C4orf51: variants seen among roughly 807,000 people sequenced by gnomAD.
The protein encoded by C4orf51 is uncharacterized protein C4orf51.
C4orf51 carries 25 observed loss-of-function variants against 25.2 expected under a neutral mutation model. The observed-to-expected ratio is 0.99, with a 90% CI of 0.72 to 1.39. The LOEUF (loss-of-function observed/expected upper bound fraction) is 1.39. C4orf51 is among the 40% of genes most tolerant of loss of function. C4orf51 has a pLI of 0.00. For missense variants in C4orf51, 252 were observed against 239.6 expected (o/e 1.05, Z -0.34); for synonymous variants, 100 against 84.5 (o/e 1.18, Z -1.01).
At chr4:145,766,507 T>C (rs1334855057) in intron 1 of C4orf51, among the ~76,000 whole-genome samples, 1 of 152,188 alleles carries the variant, frequency 6.6e-6, no homozygotes, top group Admixed American at 6.5e-5. Flanking sequence ...CCAGGCTTCA[T>C]TGCAGAGAGA....
At chr4:145,788,162 A>AT in the C4orf51 span, among the ~76,000 whole-genome samples, 29 of 150,426 alleles carry the variant, frequency 1.9e-4, no homozygotes, top group East Asian at 1.8e-3. Context: ...CTGGATAACC[A>AT]TTTTTTTTTG....
downstream of C4orf51, among the ~76,000 whole-genome samples, chr4:145,754,506 G>A (rs1733835732): frequency 6.6e-6 from 1 of 152,156 alleles, no homozygotes; most frequent in African/African-American, 2.4e-5. Flanking sequence ...AAAGTGGGCA[G>A]GGCAAAGCCT....
At chr4:145,779,955 C>T in the C4orf51 span, among the ~76,000 whole-genome samples, 4 of 152,230 alleles carry the variant, frequency 2.6e-5, no homozygotes, top group East Asian at 7.7e-4. Context: ...CTTTGGGAGG[C>T]TGAGGCGAGT....
intron 5 of C4orf51, among the ~76,000 whole-genome samples, chr4:145,730,489 A>T: frequency 6.6e-6 from 1 of 152,186 alleles, no homozygotes; most frequent in Non-Finnish European, 1.5e-5. Flanking sequence ...AGATTGTTAA[A>T]ATGGGGTTCT....
At chr4:145,790,273 CTTGT>C in the C4orf51 span, among the ~76,000 whole-genome samples, 2 of 152,056 alleles carry the variant, frequency 1.3e-5, no homozygotes, top group Non-Finnish European at 2.9e-5. Flanking sequence ...CCTCTTTTCT[CTTGT>C]TTGTCATTGA....
chr4:145,751,004 A>G (rs1733641711), intron 1 of C4orf51, among the ~76,000 whole-genome samples: 1 of 151,696 alleles, frequency 6.6e-6, no homozygotes, highest in Non-Finnish European at 1.5e-5. Flanking sequence ...TTTTATTTCC[A>G]TCTTTGCTAA....
chr4:145,784,320 G>C, the C4orf51 span, among the ~76,000 whole-genome samples: 5 of 152,192 alleles, frequency 3.3e-5, no homozygotes, highest in African/African-American at 1.2e-4. Flanking sequence ...TTTTGTGAGG[G>C]AAATAAGTCC....
rs576915545 is a variant in C4orf51 at position 145,716,299 on chromosome 4, T to G, written c.308-10612T>G. ...CCAATACCCGAAAGCCCTAGAGCCCTTTGTCTCCATCTGGCAGGTGGGGGT... is the reference window on the plus strand; with the variant it reads ...CCAATACCCGAAAGCCCTAGAGCCCGTTGTCTCCATCTGGCAGGTGGGGGT... On this transcript the variant is annotated intron_variant, in intron 2 of 5. Transcript: ENST00000438731. Among the ~76,000 whole-genome samples the G allele has an allele frequency of 1.6e-3, 250 of 152,260 alleles. 2 individuals carry two copies. The highest frequency in any genetic ancestry group is 6.8e-3 in the Middle Eastern group (2 of 294).
the C4orf51 span, among the ~76,000 whole-genome samples, chr4:145,779,044 A>G: frequency 6.6e-6 from 1 of 152,148 alleles, no homozygotes; most frequent in South Asian, 2.1e-4. Flanking sequence ...AATAAGATAA[A>G]ACCAGTAAGA....
At chr4:145,729,446 C>G (rs1053702856) in intron 4 of C4orf51, among the ~76,000 whole-genome samples, 1 of 151,822 alleles carries the variant, frequency 6.6e-6, no homozygotes, top group Non-Finnish European at 1.5e-5. Context: ...GGACTACCGG[C>G]GCCCGCCACC....
At chr4:145,787,878 C>A in the C4orf51 span, among the ~76,000 whole-genome samples, 1 of 152,158 alleles carries the variant, frequency 6.6e-6, no homozygotes, top group Non-Finnish European at 1.5e-5. Context: ...ACATCTTGCA[C>A]AGGGTCAAGT....
At chr4:145,700,987 T>C (rs1195351976) in intron 2 of C4orf51, among the ~76,000 whole-genome samples, 3 of 152,164 alleles carry the variant, frequency 2.0e-5, no homozygotes, top group Admixed American at 2.0e-4. Flanking sequence ...TGCTCCTTTT[T>C]CTTTACCCCA....
downstream of C4orf51, chr4:145,775,846 A>G: frequency 6.2e-7 from 1 of 1,614,146 alleles, no homozygotes; most frequent in Non-Finnish European, 8.5e-7. Context: ...GGCGCTGACA[A>G]TGTCCTCGGT....
At chr4:145,717,760 G>A (rs2126740479) in intron 2 of C4orf51, among the ~76,000 whole-genome samples, 1 of 152,288 alleles carries the variant, frequency 6.6e-6, no homozygotes, top group African/African-American at 2.4e-5. Flanking sequence ...ACATTAAAGT[G>A]CTTTTCCTTT....
At chr4:145,754,658 G>C (rs1313318717), downstream of C4orf51, among the ~76,000 whole-genome samples, 1 of 152,234 alleles carries the variant, frequency 6.6e-6, no homozygotes, top group East Asian at 1.9e-4. Flanking sequence ...CTTTAAGCCG[G>C]GCGCAGTGGC....
chr4:145,776,289 T>C, the C4orf51 span, among the ~76,000 whole-genome samples: 1 of 151,888 alleles, frequency 6.6e-6, no homozygotes, highest in Non-Finnish European at 1.5e-5. Flanking sequence ...AGACTCCATC[T>C]CTACAAAAAA....
rs111551258 is a variant in C4orf51 at position 145,767,710 on chromosome 4, A to T, written n.167-3278A>T. Among the ~76,000 whole-genome samples the T allele has an allele frequency of 1.7e-3, 255 of 152,342 alleles. 1 individual carries two copies. The highest frequency in any genetic ancestry group is 5.8e-3 in the African/African-American group (241 of 41,578). ...GCAAGTAAGAAGACTGTAAAGCAAC[A>T]TCTTTAAAGTACTGAAAGATACACT... On this transcript the variant is annotated intron_variant and non_coding_transcript_variant, in intron 1 of 1. Transcript: ENST00000510096.
At chr4:145,709,125 A>G (rs925132901) in intron 2 of C4orf51, among the ~76,000 whole-genome samples, 16 of 152,218 alleles carry the variant, frequency 1.1e-4, no homozygotes, top group African/African-American at 3.9e-4. Flanking sequence ...CCCTCTTGAC[A>G]TAAAGTAGTA....
At chr4:145,741,538 T>C (rs1733098550) in intron 1 of C4orf51, among the ~76,000 whole-genome samples, 1 of 152,084 alleles carries the variant, frequency 6.6e-6, no homozygotes, top group Admixed American at 6.5e-5. Flanking sequence ...GAAAATTAGT[T>C]TGGAGTGTGG....
Sources: gnomAD v4.1 joint callset for allele counts (sites outside exome capture counted in the v4.1 genomes callset) on GRCh38, gnomAD v4.1.1 for gene constraint, MANE v1.5 for transcripts, NCBI Gene and HGNC (gene_info 2026-07-23, HGNC 2026-07-21) for gene names.